IMMP2L: variants seen among roughly 807,000 people sequenced by gnomAD.
The protein encoded by IMMP2L is inner mitochondrial membrane peptidase subunit 2.
In IMMP2L, 18 loss-of-function variants were observed where a neutral mutation model predicts 19.3. That is an observed-to-expected ratio of 0.93 (90% CI 0.64 to 1.38). IMMP2L has a LOEUF of 1.38. Ranked by LOEUF, IMMP2L falls within the 40% of genes most tolerant of loss-of-function variation. IMMP2L has a pLI of 0.00. For missense variants in IMMP2L, 233 were observed against 218.2 expected, an observed-to-expected ratio of 1.07 and a Z score of -0.43; for synonymous variants, 76 against 73.0, an observed-to-expected ratio of 1.04 and a Z score of -0.21.
intron 3 of IMMP2L, among the ~76,000 whole-genome samples, chr7:111,112,715 A>T (rs1799384662): frequency 6.6e-6 from 1 of 152,194 alleles, no homozygotes; most frequent in Non-Finnish European, 1.5e-5. Flanking sequence ...CACTTTTGAA[A>T]AGAAAATAGA....
intron 2 of IMMP2L, among the ~76,000 whole-genome samples, chr7:111,504,083 G>A (rs1227258235): frequency 2.0e-5 from 3 of 152,106 alleles, no homozygotes; most frequent in Non-Finnish European, 4.4e-5. Context: ...TATTGTCTCA[G>A]CCCAAAATCT....
intron 5 of IMMP2L, among the ~76,000 whole-genome samples, chr7:110,693,435 C>G (rs1423040699): frequency 6.6e-6 from 1 of 152,180 alleles, no homozygotes; most frequent in African/African-American, 2.4e-5. Flanking sequence ...GCACTTTTCT[C>G]CAGGTGACAC....
At chr7:110,756,277 T>A in intron 5 of IMMP2L, among the ~76,000 whole-genome samples, 1 of 152,178 alleles carries the variant, frequency 6.6e-6, no homozygotes, top group Middle Eastern at 3.4e-3. Context: ...CAGGTTCTGT[T>A]CTGGCTCATG....
intron 5 of IMMP2L, among the ~76,000 whole-genome samples, chr7:110,718,903 C>T (rs909146837): frequency 1.3e-5 from 2 of 152,136 alleles, no homozygotes; most frequent in African/African-American, 4.8e-5. Flanking sequence ...TTGTCTGGCA[C>T]ACTGGAATAC....
chr7:110,788,050 C>G (rs1800203063), intron 5 of IMMP2L, among the ~76,000 whole-genome samples: 1 of 151,950 alleles, frequency 6.6e-6, no homozygotes, highest in African/African-American at 2.4e-5. Flanking sequence ...ATTATTTACT[C>G]CACTTTCTAC....
At chr7:110,747,648 C>T (rs1414790799) in intron 5 of IMMP2L, among the ~76,000 whole-genome samples, 1 of 152,086 alleles carries the variant, frequency 6.6e-6, no homozygotes, top group East Asian at 1.9e-4. Context: ...TGACAAAAAC[C>T]ACATGATTAT....
At chr7:111,026,769 G>A (rs2396301) in intron 3 of IMMP2L, among the ~76,000 whole-genome samples, 88,305 of 151,814 alleles carry the variant, frequency 0.58, 26,329 homozygotes, top group Middle Eastern at 0.68. Context: ...TCTTAAACCC[G>A]TCAAGATTTC....
intron 5 of IMMP2L, among the ~76,000 whole-genome samples, chr7:110,827,873 TAAG>T (rs996997774): frequency 6.6e-6 from 1 of 152,072 alleles, no homozygotes; most frequent in Admixed American, 6.6e-5. Flanking sequence ...ACAAATCACA[TAAG>T]AAACACCTCT....
At chr7:111,363,565 T>C (rs1337118083) in intron 3 of IMMP2L, among the ~76,000 whole-genome samples, 1 of 152,200 alleles carries the variant, frequency 6.6e-6, no homozygotes, top group East Asian at 1.9e-4. Flanking sequence ...AAAAAATATA[T>C]TGGAAATGTA....
Position 111,521,428 on chromosome 7 carries a change from C to T in IMMP2L, c.20G>A (p.Trp7Ter). The T allele has an allele frequency of 1.9e-6, 3 of 1,612,388 alleles. No homozygotes were observed. Among genetic ancestry groups the T allele is most frequent in the Non-Finnish European group, 2.5e-6 (3 of 1,179,012 alleles). Reference sequence around the variant, plus strand: ...AAAGGCCTTGATGTATCTTTTCACCCACCCTTGTGACTGTGCCATACCTAA... The same window carrying T: ...AAAGGCCTTGATGTATCTTTTCACCTACCCTTGTGACTGTGCCATACCTAA... MAQSQG[W>*]VKRYIKAFCK... Residue 7 changes from tryptophan to a stop codon, truncating the protein, a stop_gained, in exon 2 of 6, where the codon TGG (tryptophan) becomes TAG (stop). Coordinates refer to ENST00000405709, the MANE Select transcript of IMMP2L (RefSeq NM_032549.4). LOFTEE classifies it high-confidence loss of function.
At chr7:110,937,232 G>GA in intron 4 of IMMP2L, among the ~76,000 whole-genome samples, 1 of 152,116 alleles carries the variant, frequency 6.6e-6, no homozygotes, top group South Asian at 2.1e-4. Context: ...TACGCTAAGT[G>GA]AAAAAAGCCA....
Position 111,258,572 on chromosome 7 carries a change from T to C in IMMP2L, c.239+228666A>G, listed in dbSNP as rs10244829. Among the ~76,000 whole-genome samples the C allele has an allele frequency of 1.9e-3, 289 of 152,240 alleles. 1 individual carries two copies. The highest frequency in any genetic ancestry group is 6.0e-3 in the South Asian group (29 of 4,830). On this transcript the variant is annotated intron_variant, in intron 3 of 5. Coordinates refer to ENST00000405709, the MANE Select transcript of IMMP2L (RefSeq NM_032549.4). ...CCCAGGCTGGAATGCAATGGCATGA[T>C]TGCAGCTCCTGGCACCCTCCACCTT...
intron 3 of IMMP2L, among the ~76,000 whole-genome samples, chr7:110,979,639 TA>T (rs937239485): frequency 1.3e-5 from 2 of 151,444 alleles, no homozygotes; most frequent in Admixed American, 6.6e-5. Flanking sequence ...CCCTAGAACT[TA>T]AAGTATAATG....
In IMMP2L at chr7:110,727,005, T is replaced by A. The variant is rs1406713446; in HGVS notation, c.409-63284A>T. The stretch of plus-strand genomic sequence containing the variant: ...ACACAGGAGGGACCATTGGCTTTAT[T>A]AGCAAGAATGGAAATGCTTCCTTAG... On this transcript the variant is annotated intron_variant, in intron 5 of 5. Transcript: ENST00000405709. The surrounding 1 kb of genome is among the most constrained non-coding windows in gnomAD (Gnocchi z 4.3). Among the ~76,000 whole-genome samples, 2 of 152,220 alleles carry A rather than the reference T, an allele frequency of 1.3e-5. No individual in the cohort carries two copies. Among genetic ancestry groups the A allele is most frequent in the East Asian group, 3.9e-4 (2 of 5,188 alleles).
intron 5 of IMMP2L, among the ~76,000 whole-genome samples, chr7:110,800,348 T>C (rs192692911): frequency 6.6e-6 from 1 of 152,182 alleles, no homozygotes; most frequent in African/African-American, 2.4e-5. Context: ...GAATGGCATG[T>C]CCATCTCATT....
chr7:110,846,336 C>T (rs976015768), intron 5 of IMMP2L, among the ~76,000 whole-genome samples: 1 of 148,896 alleles, frequency 6.7e-6, no homozygotes, highest in Admixed American at 6.8e-5. Context: ...AGCGTCTCTC[C>T]AACCCTGATT....
At chr7:110,719,208 A>G (rs768272037) in intron 5 of IMMP2L, among the ~76,000 whole-genome samples, 2 of 152,226 alleles carry the variant, frequency 1.3e-5, no homozygotes. Flanking sequence ...AATGATAGGA[A>G]TAAAGGAAAA....
In IMMP2L at chr7:110,727,415, T is replaced by A. The variant is rs548538026; in HGVS notation, c.409-63694A>T. Among the ~76,000 whole-genome samples, 1 of 146,772 alleles carries A rather than the reference T, an allele frequency of 6.8e-6. No homozygotes were observed. Among genetic ancestry groups the A allele is most frequent in the African/African-American group, 2.7e-5 (1 of 36,684 alleles). ...CTAAATAAATAAATAAATAAATAAA[T>A]AAATATTAAAAATCCTCCAAGTTCA... is the stretch of plus-strand genomic sequence containing the variant. On this transcript the variant is annotated intron_variant, in intron 5 of 5. Transcript: ENST00000405709. This position sits in a 1 kb window ranked among gnomAD's most constrained non-coding sequence, Gnocchi z 4.3.
intron 5 of IMMP2L, among the ~76,000 whole-genome samples, chr7:110,715,025 T>C (rs567166752): frequency 2.0e-4 from 30 of 152,342 alleles, no homozygotes; most frequent in African/African-American, 7.2e-4. Context: ...GGAATTTATA[T>C]ACTTCCTACA....
Sources: gnomAD v4.1 joint callset for allele counts (sites outside exome capture counted in the v4.1 genomes callset) on GRCh38, gnomAD v4.1.1 for gene constraint, Gnocchi (gnomAD v3.1) non-coding constraint, MANE v1.5 for transcripts, NCBI Gene and HGNC (gene_info 2026-07-23, HGNC 2026-07-21) for gene names.